EFCC1: variants seen among roughly 807,000 people sequenced by gnomAD.
EFCC1 encodes the protein EF-hand and coiled-coil domain-containing protein 1.
A neutral mutation model predicts 52.1 loss-of-function variants in EFCC1; 50 were observed. That is an observed-to-expected ratio of 0.96 (90% CI 0.76 to 1.21). The LOEUF (loss-of-function observed/expected upper bound fraction) is 1.21. EFCC1 is among the 50% of genes most tolerant of loss of function. The pLI is 0.00. For synonymous variants in EFCC1, 399 were observed against 396.5 expected (o/e 1.01, Z -0.08); for missense variants, 837 against 867.3 (o/e 0.97, Z 0.44).
intron 1 of EFCC1, 21 bp from the exon 2 acceptor site, chr3:129,003,773 C>CCAG: frequency 7.1e-7 from 1 of 1,405,300 alleles, no homozygotes; most frequent in Admixed American, 3.1e-5. Flanking sequence ...ACCCCCTGCC[C>CCAG]CTGCTGCCCT....
chr3:129,013,775 C>T (rs1945442195), intron 2 of EFCC1, among the ~76,000 whole-genome samples: 1 of 152,208 alleles, frequency 6.6e-6, no homozygotes, highest in African/African-American at 2.4e-5. Context: ...CCCTGCCCGA[C>T]ACATGGGCCA....
In EFCC1 at chr3:129,032,974, G is replaced by A. The variant is rs1322033025; in HGVS notation, c.1286+8G>A. On this transcript the variant is annotated splice_region_variant and intron_variant, in intron 4 of 7. Transcript: ENST00000683648. ...CTCCAGCTGCAGAGGCAGGTGTGTG[G>A]CCCGTCCAGCGTCAGCCACTGTGGG... is the stretch of plus-strand genomic sequence containing the variant. 2 of 1,528,964 alleles carry A rather than the reference G, an allele frequency of 1.3e-6. No homozygotes were observed. Among genetic ancestry groups the A allele is most frequent in the Non-Finnish European group, 1.8e-6 (2 of 1,134,486 alleles). The allele number at this position is 1,528,964 out of a possible 1,614,324, so 94.7% of individuals were successfully genotyped here.
chr3:129,013,291 A>C (rs1336584465), intron 2 of EFCC1, among the ~76,000 whole-genome samples: 2 of 152,158 alleles, frequency 1.3e-5, no homozygotes, highest in African/African-American at 4.8e-5. Context: ...TTGGATGGAG[A>C]GGGTTCTATA....
At chr3:129,037,201 C>T in intron 6 of EFCC1, 84 bp downstream of exon 6, 1 of 1,459,312 alleles carries the variant, frequency 6.9e-7, no homozygotes, top group Admixed American at 2.7e-5. Context: ...GCACCAGGCT[C>T]TAGGCTCTCC....
At chr3:129,003,763 A>AC in intron 1 of EFCC1, 31 bp from the exon 2 acceptor site, 2 of 1,369,312 alleles carry the variant, frequency 1.5e-6, no homozygotes, top group Non-Finnish European at 9.4e-7. Flanking sequence ...TGGGGCACTT[A>AC]CCCCCTGCCC....
Position 129,040,055 on chromosome 3 carries a change from T to G in EFCC1, c.*207T>G. 2 of 550,174 alleles carry G rather than the reference T, an allele frequency of 3.6e-6. No homozygotes were observed. The highest frequency in any genetic ancestry group is 6.1e-6 in the Non-Finnish European group (2 of 330,086). 34.1% of individuals were successfully genotyped at this position (550,174 alleles called of 1,614,324 possible). ...CACCCCTTCCTCGGGCTCCTCCACATTACCTCGCAGCCCCTGCATTCCTGC... is the reference window on the plus strand; with the variant it reads ...CACCCCTTCCTCGGGCTCCTCCACAGTACCTCGCAGCCCCTGCATTCCTGC... On this transcript the variant is annotated 3_prime_UTR_variant, in exon 8 of 8. Transcript: ENST00000683648. The surrounding 1 kb of genome is among the most constrained non-coding windows in gnomAD (Gnocchi z 4.4).
chr3:129,010,781 G>A lies in EFCC1; in HGVS notation c.980+6704G>A, dbSNP rs113804145. 8.7e-3 allele frequency among the ~76,000 whole-genome samples: 1,329 copies of A among 152,246 alleles called. 20 individuals are homozygous for A. Among genetic ancestry groups the A allele is most frequent in the African/African-American group, 0.03 (1,251 of 41,540 alleles). On this transcript the variant is annotated intron_variant, in intron 2 of 7. Transcript: ENST00000683648. This position sits in a 1 kb window ranked among gnomAD's most constrained non-coding sequence, Gnocchi z 4.3. ...TGGAGGTGGGTGTGTGGGTGGCCTT[G>A]GTGAGAAAAGAGGCCTTTCCTCCTC...
intron 2 of EFCC1, among the ~76,000 whole-genome samples, chr3:129,020,515 T>A (rs1265297151): frequency 2.0e-5 from 3 of 152,132 alleles, no homozygotes; most frequent in African/African-American, 7.2e-5. Flanking sequence ...CCTGCACCTG[T>A]GGTCCCAGCT....
Position 129,002,039 on chromosome 3 carries a change from G to T in EFCC1, c.411G>T (p.Pro137=). 1.3e-6 allele frequency: 2 copies of T among 1,543,870 alleles called. No individual in the cohort carries two copies. Among genetic ancestry groups the T allele is most frequent in the Non-Finnish European group, 8.7e-7 (1 of 1,144,544 alleles). Residue 137 remains proline, a synonymous_variant, in exon 1 of 8, where the codon CCG becomes CCT. Coordinates refer to ENST00000683648, the MANE Select transcript of EFCC1 (RefSeq NM_001377500.1). ...EEARLALRAE[P]PELTFRQFHA... is the part of the protein sequence containing the mutation. ...CGCGCCTGGCGCTGCGCGCCGAGCCGCCGGAGCTCACCTTCCGCCAGTTCC... is the reference window on the plus strand; with the variant it reads ...CGCGCCTGGCGCTGCGCGCCGAGCCTCCGGAGCTCACCTTCCGCCAGTTCC...
In EFCC1 at chr3:129,014,230, G is replaced by GT. The variant is rs1945464958; in HGVS notation, c.980+10155dup. ...GCCCTCGTGGACCAACTCTCAGTGC[G>GT]TTACGCTGTTGACCACCAGTAACTA... On this transcript the variant is annotated intron_variant, in intron 2 of 7. Coordinates refer to ENST00000683648, the MANE Select transcript of EFCC1 (RefSeq NM_001377500.1). This position sits in a 1 kb window ranked among gnomAD's most constrained non-coding sequence, Gnocchi z 4.3. Among the ~76,000 whole-genome samples the GT allele has an allele frequency of 6.6e-6, 1 of 152,246 alleles. No homozygotes were observed. The highest frequency in any genetic ancestry group is 6.5e-5 in the Admixed American group (1 of 15,280).
Position 129,001,746 on chromosome 3 carries a change from C to G in EFCC1, c.118C>G (p.Leu40Val). The G allele has an allele frequency of 6.5e-7, 1 of 1,540,688 alleles. No individual in the cohort carries two copies. Among genetic ancestry groups the G allele is most frequent in the Non-Finnish European group, 8.7e-7 (1 of 1,144,956 alleles). ...GAGCGCCCTGGCGCACCACTACGGG[C>G]TGGACCGCGGCGTGGAGAACGAGAT... ...LLSALAHHYGLDRGVENEIVV... is the reference protein window; with the variant it reads ...LLSALAHHYGVDRGVENEIVV... Residue 40 changes from leucine to valine, a missense_variant, in exon 1 of 8, where the codon CTG becomes GTG. By Grantham distance (32) the Leu-to-Val change is conservative (BLOSUM62 1). Coordinates refer to ENST00000683648, the MANE Select transcript of EFCC1 (RefSeq NM_001377500.1).
intron 5 of EFCC1, 94 bp from the exon 6 acceptor site, chr3:129,036,883 A>G: frequency 1.3e-6 from 2 of 1,585,150 alleles, no homozygotes; most frequent in South Asian, 1.1e-5. Flanking sequence ...TCTGGGCCTC[A>G]GCACCAGCCT....
At chr3:129,017,127 T>C (rs1325228064) in intron 2 of EFCC1, among the ~76,000 whole-genome samples, 2 of 152,216 alleles carry the variant, frequency 1.3e-5, no homozygotes, top group African/African-American at 4.8e-5. Flanking sequence ...CCTGGCAGAC[T>C]TCCCCTCACC....
At chr3:129,002,553 A>C in intron 1 of EFCC1, 7 of 820,418 alleles carry the variant, frequency 8.5e-6, no homozygotes, top group Non-Finnish European at 1.2e-5. Flanking sequence ...GAAAACCCCA[A>C]TCACACTCAA....
chr3:129,025,985 TGA>T (rs761048225), intron 2 of EFCC1, among the ~76,000 whole-genome samples: 14 of 152,234 alleles, frequency 9.2e-5, no homozygotes, highest in Non-Finnish European at 1.3e-4. Flanking sequence ...GCCTCCCGCC[TGA>T]GTGCAGACCC....
At chr3:129,039,028 C>A in intron 7 of EFCC1, 128 bp downstream of exon 7, 1 of 841,294 alleles carries the variant, frequency 1.2e-6, no homozygotes, top group Non-Finnish European at 1.9e-6. Flanking sequence ...GCCCTGCATG[C>A]TTTAGAAAGC....
chr3:129,030,486 G>C, intron 2 of EFCC1: 1 of 394,692 alleles, frequency 2.5e-6, no homozygotes, highest in African/African-American at 2.1e-5. Context: ...AGAAGATTTT[G>C]CCTTGAGTCC....
intron 7 of EFCC1, among the ~76,000 whole-genome samples, chr3:129,039,272 C>T (rs999846803): frequency 2.0e-5 from 3 of 152,242 alleles, no homozygotes; most frequent in Non-Finnish European, 2.9e-5. Context: ...CTGGCCACGC[C>T]CGAGGCTGGG....
At chr3:129,002,922 G>A (rs1164943877) in intron 1 of EFCC1, among the ~76,000 whole-genome samples, 1 of 152,182 alleles carries the variant, frequency 6.6e-6, no homozygotes, top group Non-Finnish European at 1.5e-5. Flanking sequence ...GACCCGCTCT[G>A]GGCTATTGAG....
Sources: allele counts gnomAD v4.1 joint callset (sites outside exome capture counted in the v4.1 genomes callset), GRCh38; gene constraint gnomAD v4.1.1; non-coding constraint Gnocchi (gnomAD v3.1); transcripts MANE v1.5; gene names NCBI Gene and HGNC (gene_info 2026-07-23, HGNC 2026-07-21).